Variants in KIAA0513 observed in about 807,000 individuals in gnomAD.
The protein encoded by KIAA0513 is uncharacterized protein KIAA0513.
KIAA0513 carries 39 observed loss-of-function variants against 56.5 expected under a neutral mutation model. That is an observed-to-expected ratio of 0.69 (90% CI 0.53 to 0.90). The LOEUF (loss-of-function observed/expected upper bound fraction) is 0.90. Ranked by LOEUF, KIAA0513 falls within the 40% of genes least tolerant of loss-of-function variation. KIAA0513 has a pLI of 0.00. For synonymous variants in KIAA0513, 268 were observed against 215.6 expected, an observed-to-expected ratio of 1.24 and a Z score of -2.13; for missense variants, 591 against 535.2, an observed-to-expected ratio of 1.10 and a Z score of -1.03.
At chr16:85,073,768 G>T (rs1425617303) in intron 4 of KIAA0513, among the ~76,000 whole-genome samples, 1 of 152,186 alleles carries the variant, frequency 6.6e-6, no homozygotes, top group Admixed American at 6.5e-5. Flanking sequence ...CACTATCCTC[G>T]TCTCCTGCAG....
At chr16:85,030,826 G>A (rs1425826109) in intron 1 of KIAA0513, among the ~76,000 whole-genome samples, 2 of 152,024 alleles carry the variant, frequency 1.3e-5, no homozygotes, top group East Asian at 1.9e-4. Flanking sequence ...CTAAATCTGG[G>A]CATCATGGGG....
intron 1 of KIAA0513, among the ~76,000 whole-genome samples, chr16:85,038,121 C>T (rs1047865724): frequency 6.6e-6 from 1 of 152,216 alleles, no homozygotes; most frequent in Non-Finnish European, 1.5e-5. Flanking sequence ...CTCCCACCCT[C>T]AGCTCCTTCC....
At chr16:85,071,353 G>A (rs1226915324) in intron 2 of KIAA0513, among the ~76,000 whole-genome samples, 23 of 152,242 alleles carry the variant, frequency 1.5e-4, no homozygotes, top group Admixed American at 1.5e-3. Flanking sequence ...AGCAAATTCA[G>A]GATGTCTTAA....
chr16:85,067,431 G>T (rs1333271398), intron 2 of KIAA0513, 31 bp downstream of exon 2: 24 of 1,549,256 alleles, frequency 1.5e-5, no homozygotes, highest in Non-Finnish European at 1.9e-5. Context: ...AGACAGCCTG[G>T]TGTGGCCACA....
At chr16:85,058,218 C>T (rs2073356231) in intron 1 of KIAA0513, among the ~76,000 whole-genome samples, 1 of 152,338 alleles carries the variant, frequency 6.6e-6, no homozygotes, top group Admixed American at 6.5e-5. Flanking sequence ...GGAGGAGAGG[C>T]ACCCTCACGG....
intron 1 of KIAA0513, among the ~76,000 whole-genome samples, chr16:85,054,679 C>T (rs1384421168): frequency 6.6e-6 from 1 of 152,078 alleles, no homozygotes; most frequent in African/African-American, 2.4e-5. Context: ...ATCCACCCTC[C>T]TCAGCCTCCC....
intron 1 of KIAA0513, among the ~76,000 whole-genome samples, chr16:85,048,860 A>G (rs1256435634): frequency 6.6e-6 from 1 of 152,200 alleles, no homozygotes; most frequent in Non-Finnish European, 1.5e-5. Flanking sequence ...AGAACACAAT[A>G]ACAATCTTCC....
At chr16:85,077,292 G>T (rs1054238484) in intron 5 of KIAA0513, 133 bp from the exon 6 acceptor site, 10 of 795,674 alleles carry the variant, frequency 1.3e-5, no homozygotes, top group Admixed American at 2.9e-5. Flanking sequence ...ACCACCCCCT[G>T]TCCTCGGCTG....
chr16:85,064,687 A>AT (rs2073453374), intron 1 of KIAA0513, among the ~76,000 whole-genome samples: 1 of 151,950 alleles, frequency 6.6e-6, no homozygotes, highest in South Asian at 2.1e-4. Flanking sequence ...TAATAATTGT[A>AT]TTTCTTTTTT....
chr16:85,056,809 C>T (rs1597612498), intron 1 of KIAA0513, among the ~76,000 whole-genome samples: 1 of 152,290 alleles, frequency 6.6e-6, no homozygotes, highest in East Asian at 1.9e-4. Context: ...AAGGAATCCT[C>T]ATGCCTCAGC....
At chr16:85,042,252 A>G (rs1183260935) in intron 1 of KIAA0513, among the ~76,000 whole-genome samples, 1 of 152,214 alleles carries the variant, frequency 6.6e-6, no homozygotes, top group African/African-American at 2.4e-5. Flanking sequence ...GAAATAGAGA[A>G]GTTCAAATGC....
chr16:85,042,950 C>T (rs2073123173), intron 1 of KIAA0513, among the ~76,000 whole-genome samples: 1 of 152,114 alleles, frequency 6.6e-6, no homozygotes, highest in Admixed American at 6.5e-5. Context: ...TTTAAGGACA[C>T]AATTTTTAGA....
At chr16:85,034,926 C>T (rs1006453605) in intron 1 of KIAA0513, among the ~76,000 whole-genome samples, 3 of 152,196 alleles carry the variant, frequency 2.0e-5, no homozygotes, top group Admixed American at 6.5e-5. Context: ...GCTGCCTCTC[C>T]TGAGAAAGTG....
chr16:85,035,274 C>T (rs1043032439), intron 1 of KIAA0513, among the ~76,000 whole-genome samples: 2 of 151,964 alleles, frequency 1.3e-5, no homozygotes, highest in Non-Finnish European at 2.9e-5. Context: ...TTGTCCTGCT[C>T]GTTCTTCGGT....
intron 10 of KIAA0513, 98 bp from the exon 11 acceptor site, chr16:85,086,546 A>G (rs1389449836): frequency 7.7e-6 from 9 of 1,164,278 alleles, no homozygotes; most frequent in African/African-American, 3.1e-5. Context: ...GGGGCCGTAC[A>G]TGGGTGCCGC....
intron 12 of KIAA0513, 85 bp from the exon 13 acceptor site, chr16:85,088,191 C>G (rs554364060): frequency 7.7e-7 from 1 of 1,293,694 alleles, no homozygotes; most frequent in East Asian, 2.3e-5. Context: ...AGGCCCGATT[C>G]GTCCCTGTCC....
At chr16:85,034,755 G>C (rs2073011879) in intron 1 of KIAA0513, among the ~76,000 whole-genome samples, 1 of 152,174 alleles carries the variant, frequency 6.6e-6, no homozygotes, top group African/African-American at 2.4e-5. Context: ...CACCAAAACA[G>C]TATAACGTAG....
intron 2 of KIAA0513, among the ~76,000 whole-genome samples, chr16:85,068,220 G>T (rs187829660): frequency 1.9e-4 from 29 of 151,338 alleles, no homozygotes; most frequent in Non-Finnish European, 3.4e-4. Flanking sequence ...GCAGTGGTGC[G>T]ATTTCAGCTC....
intron 2 of KIAA0513, among the ~76,000 whole-genome samples, chr16:85,070,462 A>C (rs2037581378): frequency 6.6e-6 from 1 of 152,082 alleles, no homozygotes; most frequent in Non-Finnish European, 1.5e-5. Context: ...TGTATCACCT[A>C]AGGCCAGGAG....
Sources: gnomAD v4.1 joint callset for allele counts (sites outside exome capture counted in the v4.1 genomes callset) on GRCh38, gnomAD v4.1.1 for gene constraint, MANE v1.5 for transcripts, NCBI Gene and HGNC (gene_info 2026-07-23, HGNC 2026-07-21) for gene names.